The following FUT8 variants were observed in gnomAD, a reference collection of about 807,000 sequenced individuals.
The protein encoded by FUT8 is alpha-(1,6)-fucosyltransferase.
In FUT8, 29 loss-of-function variants were observed where a neutral mutation model predicts 71.3. The ratio of observed to expected loss-of-function variants is 0.41; its 90% CI spans 0.30 to 0.55. The LOEUF (loss-of-function observed/expected upper bound fraction) is 0.55. Among genes scored for constraint, FUT8 ranks in the 20% least tolerant of loss-of-function variants. FUT8 has a pLI of 0.34. For synonymous variants in FUT8, 254 were observed against 239.3 expected (o/e 1.06, Z -0.57); for missense variants, 544 against 702.1 (o/e 0.77, Z 2.55).
rs1268356593 is a variant in FUT8, at chr14:65,557,323, G to T, written c.-227-4014G>T. Among the ~76,000 whole-genome samples the T allele has an allele frequency of 9.3e-5, 14 of 149,936 alleles. No individual in the cohort carries two copies. The East Asian group carries it at 2.5e-3, about 27-fold the overall frequency. The stretch of plus-strand genomic sequence containing the variant: ...AGCCTAGGCAACATGCCGAGATTTT[G>T]TCTCTCTCTCCCCTTTTTTTTTTTT... On this transcript the variant is annotated intron_variant, in intron 2 of 10. Coordinates refer to ENST00000673929, the MANE Select transcript of FUT8 (RefSeq NM_001371533.1).
intron 1 of FUT8, among the ~76,000 whole-genome samples, chr14:65,426,837 A>G (rs950503168): frequency 6.6e-6 from 1 of 152,150 alleles, no homozygotes; most frequent in Non-Finnish European, 1.5e-5. Context: ...GAGCATGCAC[A>G]CACACATGCA....
chr14:65,669,598 A>G lies in FUT8; in HGVS notation c.835+118A>G. 2 of 661,042 alleles carry G rather than the reference A, an allele frequency of 3.0e-6. No homozygotes were observed. Among genetic ancestry groups the G allele is most frequent in the Non-Finnish European group, 5.3e-6 (2 of 373,930 alleles). The allele number at this position is 661,042 out of a possible 1,614,324, so 40.9% of individuals were successfully genotyped here. A position where few individuals can be genotyped will look rare whatever the true frequency, so the allele number is the denominator to read the frequency against. On this transcript the variant is annotated intron_variant, in intron 7 of 10. Coordinates refer to ENST00000673929, the MANE Select transcript of FUT8 (RefSeq NM_001371533.1). This position sits in a 1 kb window ranked among gnomAD's most constrained non-coding sequence, Gnocchi z 4.5. ...TATCTTTTCCTCTGGATCCATGAAT[A>G]CTATACATTATCCAGATAAAATCTA... is the stretch of plus-strand genomic sequence containing the variant.
At chr14:65,405,573 G>C in the FUT8 span, among the ~76,000 whole-genome samples, 1 of 151,902 alleles carries the variant, frequency 6.6e-6, no homozygotes, top group Non-Finnish European at 1.5e-5. Context: ...TGCATTAATT[G>C]CATCTACAAT....
chr14:65,595,282 C>T (rs192143321), intron 3 of FUT8, among the ~76,000 whole-genome samples: 48 of 152,236 alleles, frequency 3.2e-4, no homozygotes, highest in African/African-American at 9.4e-4. Flanking sequence ...AATCAGAATG[C>T]CGTTAACTAG....
intron 6 of FUT8, among the ~76,000 whole-genome samples, chr14:65,668,119 T>G (rs951063079): frequency 4.0e-5 from 6 of 151,864 alleles, no homozygotes; most frequent in African/African-American, 1.5e-4. Context: ...CCATAAAAAC[T>G]CTAGAAGAAA....
intron 6 of FUT8, among the ~76,000 whole-genome samples, chr14:65,648,855 A>G (rs993563032): frequency 6.6e-6 from 1 of 152,164 alleles, no homozygotes; most frequent in African/African-American, 2.4e-5. Flanking sequence ...TATTGGAGCT[A>G]TTATGGTCAT....
At chr14:65,616,141 C>T (rs2140223972) in intron 4 of FUT8, 48 bp downstream of exon 4, 1 of 1,593,878 alleles carries the variant, frequency 6.3e-7, no homozygotes. Flanking sequence ...TGGGCTTTAG[C>T]ACAGATAATT....
chr14:65,491,441 C>G (rs1231834697), intron 2 of FUT8, among the ~76,000 whole-genome samples: 2 of 152,128 alleles, frequency 1.3e-5, no homozygotes, highest in Non-Finnish European at 2.9e-5. Flanking sequence ...TACAGAGAAA[C>G]TTCTGGTCCT....
intron 2 of FUT8, among the ~76,000 whole-genome samples, chr14:65,538,908 A>G (rs1884508084): frequency 6.6e-6 from 1 of 152,164 alleles, no homozygotes; most frequent in Non-Finnish European, 1.5e-5. Context: ...GTGACAGAGC[A>G]AGACTCTGTC....
At position 65,613,344 on chromosome 14, in the gene FUT8, A is replaced by G. The variant is rs535033576; in HGVS notation, c.204-2634A>G. 2.0e-5 allele frequency among the ~76,000 whole-genome samples: 3 copies of G among 152,308 alleles called. No individual in the cohort carries two copies. In the East Asian group the frequency reaches 5.8e-4, roughly 29 times the overall value. On this transcript the variant is annotated intron_variant, in intron 3 of 10. Coordinates refer to ENST00000673929, the MANE Select transcript of FUT8 (RefSeq NM_001371533.1). ...GCCAAAATAAATCCCAAGAGATTGA[A>G]GTTTTATTCTATTTTCAAATTGTTT...
At chr14:65,619,600 C>T (rs950898991) in intron 5 of FUT8, among the ~76,000 whole-genome samples, 2 of 152,112 alleles carry the variant, frequency 1.3e-5, no homozygotes, top group African/African-American at 4.8e-5. Flanking sequence ...GGGTAATCAA[C>T]TGGTAGTAAT....
intron 2 of FUT8, among the ~76,000 whole-genome samples, chr14:65,505,502 C>T (rs1161114857): frequency 3.3e-5 from 5 of 151,406 alleles, no homozygotes; most frequent in Middle Eastern, 3.2e-3. Flanking sequence ...TTAGTAGAGA[C>T]GGGGTTTCAC....
intron 6 of FUT8, among the ~76,000 whole-genome samples, chr14:65,631,461 C>T (rs550593964): frequency 1.2e-4 from 18 of 152,008 alleles, no homozygotes; most frequent in East Asian, 5.8e-4. Flanking sequence ...TTTGTGGTTC[C>T]GTATTAGAGA....
intron 7 of FUT8, among the ~76,000 whole-genome samples, chr14:65,719,155 C>A (rs915806335): frequency 2.6e-5 from 4 of 151,996 alleles, no homozygotes; most frequent in South Asian, 4.2e-4. Context: ...GTTTTTCATT[C>A]TTTTTTCTTT....
At chr14:65,632,510 T>C (rs1890242798) in intron 6 of FUT8, among the ~76,000 whole-genome samples, 1 of 152,226 alleles carries the variant, frequency 6.6e-6, no homozygotes, top group African/African-American at 2.4e-5. Flanking sequence ...TTGTTGGCCA[T>C]TTGTATATCG....
chr14:65,526,354 A>G (rs946024856), intron 2 of FUT8, among the ~76,000 whole-genome samples: 1 of 152,074 alleles, frequency 6.6e-6, no homozygotes, highest in African/African-American at 2.4e-5. Flanking sequence ...GTTGGTTTAA[A>G]GTCTGTTTTA....
chr14:65,510,574 C>G (rs901604611), intron 2 of FUT8, among the ~76,000 whole-genome samples: 2 of 151,942 alleles, frequency 1.3e-5, no homozygotes, highest in African/African-American at 4.8e-5. Flanking sequence ...TCTTTACTGT[C>G]AGACTTTTAA....
intron 7 of FUT8, among the ~76,000 whole-genome samples, chr14:65,689,511 C>CA (rs1310763667): frequency 6.6e-6 from 1 of 152,066 alleles, no homozygotes; most frequent in African/African-American, 2.4e-5. Context: ...AACTATGTCT[C>CA]ATAGAGCAGA....
intron 3 of FUT8, among the ~76,000 whole-genome samples, chr14:65,600,094 C>G (rs983788334): frequency 5.9e-5 from 9 of 152,110 alleles, no homozygotes; most frequent in Admixed American, 2.0e-4. Context: ...ACACTTTAGC[C>G]AAGTAAACGT....
Sources: gnomAD v4.1 joint callset for allele counts (sites outside exome capture counted in the v4.1 genomes callset) on GRCh38, gnomAD v4.1.1 for gene constraint, Gnocchi (gnomAD v3.1) non-coding constraint, MANE v1.5 for transcripts, NCBI Gene and HGNC (gene_info 2026-07-23, HGNC 2026-07-21) for gene names.